The following CTPS1 variants were observed in gnomAD, a reference collection of about 807,000 sequenced individuals.
CTPS1 encodes CTP synthetase 1.
CTPS1 carries 25 observed loss-of-function variants against 80.5 expected under a neutral mutation model. That is an observed-to-expected ratio of 0.31 (90% CI 0.23 to 0.43). CTPS1 has a LOEUF of 0.43. Ranked by LOEUF, CTPS1 falls within the 20% of genes least tolerant of loss-of-function variation. The probability of loss-of-function intolerance (pLI) is 1.00; values close to 1 mark genes in which losing one functional copy is unlikely to be tolerated. For synonymous variants in CTPS1, 267 were observed against 252.5 expected, an observed-to-expected ratio of 1.06 and a Z score of -0.54; for missense variants, 442 against 725.7, an observed-to-expected ratio of 0.61 and a Z score of 4.49.
chr1:40,981,831 T>G lies in CTPS1; in HGVS notation c.-13-1447T>G, dbSNP rs552029860. On this transcript the variant is annotated intron_variant, in intron 1 of 18. Transcript: ENST00000650070. ...GAGCGGGGAAGACTTCTGAGCATTCTTCCTTCCCTGCCAAGTGTGTTCTTT... is the reference window on the plus strand; with the variant it reads ...GAGCGGGGAAGACTTCTGAGCATTCGTCCTTCCCTGCCAAGTGTGTTCTTT... The G allele has an allele frequency of 5.0e-4, 180 of 358,008 alleles. 8 individuals carry two copies. Among genetic ancestry groups the G allele is most frequent in the South Asian group, 4.5e-3 (176 of 39,368 alleles). The allele number at this position is 358,008 out of a possible 1,614,324, so 22.2% of individuals were successfully genotyped here.
At position 40,979,706 on chromosome 1, in the gene CTPS1, G is replaced by A. The variant is rs1365329083; in HGVS notation, c.-137G>A. 3 of 152,408 alleles carry A rather than the reference G, an allele frequency of 2.0e-5. No homozygotes were observed. The highest frequency in any genetic ancestry group is 1.9e-4 in the East Asian group (1 of 5,172). The allele number at this position is 152,408 out of a possible 1,614,324, so 9.4% of individuals were successfully genotyped here. On this transcript the variant is annotated 5_prime_UTR_variant, in exon 1 of 19. Coordinates refer to ENST00000650070, the MANE Select transcript of CTPS1 (RefSeq NM_001905.4). ...CCAACCTCTGCGTGCGCACAGCCTAGAGCCCGCCTCCGTGAAAGACTGCCG... is the reference window on the plus strand; with the variant it reads ...CCAACCTCTGCGTGCGCACAGCCTAAAGCCCGCCTCCGTGAAAGACTGCCG...
At chr1:40,983,252 T>A in intron 1 of CTPS1, 26 bp from the exon 2 acceptor site, 2 of 1,596,250 alleles carry the variant, frequency 1.3e-6, no homozygotes. Context: ...TACATTTATA[T>A]CATCTGTAAT....
chr1:40,984,713 A>G (rs2148387675), intron 2 of CTPS1, 108 bp from the exon 3 acceptor site: 1 of 832,126 alleles, frequency 1.2e-6, no homozygotes, highest in Non-Finnish European at 1.7e-6. Flanking sequence ...TGTGCTTCCT[A>G]TTACGTAATT....
rs116134285 is a variant in CTPS1 at position 40,991,179 on chromosome 1, G to A, written c.570G>A (p.Gly190=). 5.3e-4 allele frequency: 841 copies of A among 1,585,082 alleles called. 2 individuals carry two copies. In the African/African-American group the frequency reaches 9.9e-3, roughly 19 times the overall value. The change falls in exon 6 of 19, where the codon GGG becomes GGA. Residue 190 remains glycine, a synonymous_variant. Transcript: ENST00000650070. ...TTGTGAAATAGCCAAGTTCAACAGG[G>A]GAACAGAAGACTAAACCTACCCAGA... The part of the protein sequence containing the change: ...VSLVPQPSST[G]EQKTKPTQNS...
intron 14 of CTPS1, among the ~76,000 whole-genome samples, chr1:41,008,314 C>T (rs889569678): frequency 4.6e-5 from 6 of 129,578 alleles, no homozygotes; most frequent in African/African-American, 1.5e-4. Context: ...GCCTCCCATC[C>T]TGCCACGTTC....
chr1:40,982,550 C>T (rs144423094), intron 1 of CTPS1, among the ~76,000 whole-genome samples: 86 of 152,204 alleles, frequency 5.7e-4, no homozygotes, highest in African/African-American at 1.8e-3. Context: ...CCATCACAGC[C>T]GGCTAATTTT....
At chr1:40,980,539 G>T (rs1307795017) in intron 1 of CTPS1, 6 of 152,322 alleles carry the variant, frequency 3.9e-5, no homozygotes, top group African/African-American at 7.2e-5. Flanking sequence ...GCGGCGCAGA[G>T]ATTCTCACCC....
intron 8 of CTPS1, 65 bp from the exon 9 acceptor site, chr1:40,997,329 A>G: frequency 6.5e-7 from 1 of 1,547,950 alleles, no homozygotes; most frequent in Non-Finnish European, 8.7e-7. Flanking sequence ...TGAAATAGCT[A>G]TTTTGGTCTC....
chr1:40,997,897 A>C (rs2148406618), intron 9 of CTPS1, among the ~76,000 whole-genome samples: 1 of 152,312 alleles, frequency 6.6e-6, no homozygotes, highest in South Asian at 2.1e-4. Flanking sequence ...TGCCTTTCCT[A>C]ACCTGTGCTT....
Position 41,007,440 on chromosome 1 carries a change from C to T in CTPS1, c.1297-9C>T, listed in dbSNP as rs1643061740. 1.9e-6 allele frequency: 3 copies of T among 1,613,420 alleles called. No homozygotes were observed. Among genetic ancestry groups the T allele is most frequent in the Non-Finnish European group, 2.5e-6 (3 of 1,179,554 alleles). ...CTGTAGTTGGTGTCTGTTTTCTGAA[C>T]ATCTCCAGGTCGTAGACATGCCAGA... On this transcript the variant is annotated splice_polypyrimidine_tract_variant and intron_variant, in intron 13 of 18. Coordinates refer to ENST00000650070, the MANE Select transcript of CTPS1 (RefSeq NM_001905.4). The surrounding 1 kb of genome is among the most constrained non-coding windows in gnomAD (Gnocchi z 4.4).
At chr1:40,987,725 T>C (rs561613307) in intron 4 of CTPS1, among the ~76,000 whole-genome samples, 2 of 152,332 alleles carry the variant, frequency 1.3e-5, no homozygotes, top group East Asian at 1.9e-4. Context: ...CCATGAGTAG[T>C]GTGACACATT....
Position 41,009,708 on chromosome 1 carries a change from G to A in CTPS1, c.1691+119G>A, listed in dbSNP as rs1426338843. ...AAGAAAAAAAAGCCACAGGCGCCTG[G>A]GGTGAAAGTTTCCTCTCCTTTCCCG... On this transcript the variant is annotated intron_variant, in intron 17 of 18. Coordinates refer to ENST00000650070, the MANE Select transcript of CTPS1 (RefSeq NM_001905.4). The A allele has an allele frequency of 1.3e-5, 16 of 1,240,448 alleles. 1 individual carries two copies. The highest frequency in any genetic ancestry group is 1.8e-5 in the Non-Finnish European group (16 of 892,624). The allele number at this position is 1,240,448 out of a possible 1,614,324, so 76.8% of individuals were successfully genotyped here.
chr1:40,985,012 A>G (rs1207575128), intron 3 of CTPS1, 21 bp downstream of exon 3: 1 of 1,510,096 alleles, frequency 6.6e-7, no homozygotes, highest in South Asian at 1.3e-5. Flanking sequence ...ATTTACCTTT[A>G]AAGCTTAAAA....
Position 41,009,464 on chromosome 1 carries a change from G to T in CTPS1, c.1566G>T (p.Gly522=), listed in dbSNP as rs1337687803. 4.5e-6 allele frequency: 7 copies of T among 1,570,708 alleles called. No homozygotes were observed. Among genetic ancestry groups the T allele is most frequent in the South Asian group, 1.2e-5 (1 of 84,958 alleles). The change falls in exon 17 of 19, where the codon GGG becomes GGT. Residue 522 remains glycine (G), a synonymous_variant. Transcript: ENST00000650070. ...TTTCAGATCATCCCTTTTTTGTTGG[G>T]GTTCAGTACCACCCTGAGTTCCTGT... ...VELEDHPFFV[G]VQYHPEFLSR... is the part of the protein sequence containing the mutation.
intron 7 of CTPS1, among the ~76,000 whole-genome samples, chr1:40,993,863 C>G (rs1030379638): frequency 2.9e-5 from 4 of 137,526 alleles, no homozygotes; most frequent in Non-Finnish European, 6.1e-5. Flanking sequence ...ACTGCCATCT[C>G]TGTCTCCCGT....
rs1643064504 is a variant in CTPS1, at chr1:41,007,532, G to T, written c.1380G>T (p.Lys460Asn). ...LGKRRTLFQT[K>N]NSVMRKLYGD... ...AGAGGAGAACCCTGTTCCAGACCAAGAACTCAGTCATGAGTAAGAGCTGCC... is the reference window on the plus strand; with the variant it reads ...AGAGGAGAACCCTGTTCCAGACCAATAACTCAGTCATGAGTAAGAGCTGCC... The change falls in exon 14 of 19, where the codon AAG becomes AAT. Residue 460 changes from lysine (K) to asparagine (N), a missense_variant. Physicochemically the swap from Lys to Asn is moderately conservative, Grantham distance 94 (BLOSUM62 0). This residue lies in a region of CTPS1 where 321 missense variants were observed against 467.2 expected (regional missense o/e 0.69). Coordinates refer to ENST00000650070, the MANE Select transcript of CTPS1 (RefSeq NM_001905.4). The surrounding 1 kb of genome is among the most constrained non-coding windows in gnomAD (Gnocchi z 4.4). 6.2e-7 allele frequency: 1 copy of T among 1,614,118 alleles called. No individual in the cohort carries two copies. The highest frequency in any genetic ancestry group is 1.7e-5 in the Admixed American group (1 of 60,032).
chr1:40,995,958 CTTG>C lies in CTPS1; in HGVS notation c.768_770del (p.Leu257del). On this transcript the variant is annotated inframe_deletion, in exon 8 of 19. Coordinates refer to ENST00000650070, the MANE Select transcript of CTPS1 (RefSeq NM_001905.4). ...ATGTCTCATCCATCTACCGAGTCCC[CTTG>C]TTGTTAGAGGAGCAAGGGGTTGTAG... is the stretch of plus-strand genomic sequence containing the variant. 3 of 1,614,212 alleles carry C rather than the reference CTTG, an allele frequency of 1.9e-6. No homozygotes were observed. Among genetic ancestry groups the C allele is most frequent in the Non-Finnish European group, 1.7e-6 (2 of 1,180,028 alleles).
At chr1:41,002,370 T>C (rs1642923889) in intron 11 of CTPS1, 116 bp downstream of exon 11, 4 of 818,394 alleles carry the variant, frequency 4.9e-6, no homozygotes, top group African/African-American at 1.7e-5. Flanking sequence ...TCTTTGTGGA[T>C]AGGAGCTCAA....
At chr1:40,980,922 C>T (rs1275760777) in intron 1 of CTPS1, 1 of 152,852 alleles carries the variant, frequency 6.5e-6, no homozygotes, top group East Asian at 1.9e-4. Context: ...GTTCCCTTTC[C>T]TGTGCTCTGA....
Sources: allele counts gnomAD v4.1 joint callset (sites outside exome capture counted in the v4.1 genomes callset), GRCh38; gene constraint gnomAD v4.1.1; regional missense constraint gnomAD v4.1.1; non-coding constraint Gnocchi (gnomAD v3.1); transcripts MANE v1.5; gene names NCBI Gene and HGNC (gene_info 2026-07-23, HGNC 2026-07-21).